Variants in STRADB observed in about 807,000 individuals in gnomAD.
The protein encoded by STRADB is STE20 related adaptor beta.
In STRADB, 34 loss-of-function variants were observed where a neutral mutation model predicts 52.1. That is an observed-to-expected ratio of 0.65 (90% CI 0.50 to 0.87). STRADB has a LOEUF of 0.87. Among genes scored for constraint, STRADB ranks in the 40% least tolerant of loss-of-function variants. The pLI, the probability that STRADB is intolerant of heterozygous loss-of-function variation, is 0.00. For missense variants in STRADB, 340 were observed against 483.9 expected, an observed-to-expected ratio of 0.70 and a Z score of 2.79; for synonymous variants, 133 against 174.5, an observed-to-expected ratio of 0.76 and a Z score of 1.87.
intron 3 of STRADB, among the ~76,000 whole-genome samples, chr2:201,467,070 G>A (rs1246209933): frequency 6.6e-6 from 1 of 152,148 alleles, no homozygotes; most frequent in Non-Finnish European, 1.5e-5. Flanking sequence ...CAAACCTAGA[G>A]TGGAGCCATA....
chr2:201,462,583 G>A (rs539933761), intron 3 of STRADB, among the ~76,000 whole-genome samples: 6 of 152,264 alleles, frequency 3.9e-5, no homozygotes, highest in African/African-American at 9.6e-5. Context: ...AGGTTACCAT[G>A]AGGCTTGCAA....
chr2:201,470,047 A>G lies in STRADB; in HGVS notation c.188A>G (p.Glu63Gly). Residue 63 changes from glutamate (E) to glycine (G), a missense_variant, in exon 4 of 12, where the codon GAA becomes GGA. By Grantham distance (98) the Glu-to-Gly change is moderately conservative (BLOSUM62 -2). Transcript: ENST00000194530. ...GTTTCTCACTATGAGCTCCAAGTAG[A>G]AATAGGTAATAATCCTGAATTTCTA... is the stretch of plus-strand genomic sequence containing the variant. The part of the protein sequence containing the change: ...TNVSHYELQV[E>G]IGRGFDNLTS... 1 of 1,608,490 alleles carries G rather than the reference A, an allele frequency of 6.2e-7. No homozygotes were observed.
chr2:201,477,024 C>A (rs1289282680), intron 7 of STRADB, among the ~76,000 whole-genome samples: 1 of 138,416 alleles, frequency 7.2e-6, no homozygotes, highest in African/African-American at 2.7e-5. Context: ...TTATTTGATT[C>A]CATTTCTTGT....
In STRADB at chr2:201,475,759, A is replaced by T; in HGVS notation, c.548+17A>T. ...TATTCACAGGTATTTACTTATTTGT[A>T]TTTATTAAATGAAATAATTTTAATG... On this transcript the variant is annotated intron_variant, in intron 7 of 11. Coordinates refer to ENST00000194530, the MANE Select transcript of STRADB (RefSeq NM_018571.6). 6.4e-7 allele frequency: 1 copy of T among 1,574,352 alleles called. No individual in the cohort carries two copies. Among genetic ancestry groups the T allele is most frequent in the Non-Finnish European group, 8.6e-7 (1 of 1,165,562 alleles).
At chr2:201,475,233 C>T (rs992741287) in intron 6 of STRADB, among the ~76,000 whole-genome samples, 3 of 151,984 alleles carry the variant, frequency 2.0e-5, no homozygotes, top group African/African-American at 4.8e-5. Flanking sequence ...CAGGTGCTCA[C>T]GTAGTACTTA....
At chr2:201,472,110 G>A (rs993908591) in intron 4 of STRADB, among the ~76,000 whole-genome samples, 3 of 152,224 alleles carry the variant, frequency 2.0e-5, no homozygotes, top group Non-Finnish European at 2.9e-5. Flanking sequence ...GATATCAAAT[G>A]CTGGTGAGTA....
In STRADB at chr2:201,451,910, G is replaced by A. The variant is rs1315637040; in HGVS notation, c.-124G>A. 1.3e-5 allele frequency: 2 copies of A among 152,630 alleles called. No individual in the cohort carries two copies. The highest frequency in any genetic ancestry group is 2.4e-5 in the African/African-American group (1 of 41,444). 9.5% of individuals were successfully genotyped at this position (152,630 alleles called of 1,614,324 possible). A position where few individuals can be genotyped will look rare whatever the true frequency, so the allele number is the denominator to read the frequency against. On this transcript the variant is annotated 5_prime_UTR_variant, in exon 1 of 12. Transcript: ENST00000194530. ...CTGTCCGCACCGCTGGCAGCCTGAAGAGAGTCGCTGGCCGTGGTCGCCGCT... is the reference window on the plus strand; with the variant it reads ...CTGTCCGCACCGCTGGCAGCCTGAAAAGAGTCGCTGGCCGTGGTCGCCGCT...
intron 3 of STRADB, among the ~76,000 whole-genome samples, chr2:201,463,331 C>CAAAAAA (rs574453771): frequency 8.8e-6 from 1 of 113,144 alleles, no homozygotes; most frequent in East Asian, 2.5e-4. Flanking sequence ...GAGACTGTCT[C>CAAAAAA]AAAAAAAAAA....
chr2:201,460,006 C>T (rs1332980236), intron 3 of STRADB, among the ~76,000 whole-genome samples: 3 of 151,942 alleles, frequency 2.0e-5, no homozygotes, highest in Non-Finnish European at 4.4e-5. Flanking sequence ...GGATCTTTTC[C>T]TCTCCTTATT....
chr2:201,461,457 C>G (rs1952215118), intron 3 of STRADB, among the ~76,000 whole-genome samples: 1 of 152,166 alleles, frequency 6.6e-6, no homozygotes, highest in Non-Finnish European at 1.5e-5. Context: ...ACAGTCTGAG[C>G]CAATGTGCCC....
intron 1 of STRADB, 73 bp from the exon 2 acceptor site, chr2:201,454,673 A>C (rs1439914012): frequency 2.0e-6 from 1 of 489,242 alleles, no homozygotes; most frequent in Non-Finnish European, 3.5e-6. Flanking sequence ...TAAATATTGG[A>C]TGGGTTTAAG....
chr2:201,478,051 T>A, intron 8 of STRADB, 36 bp from the exon 9 acceptor site: 1 of 1,540,942 alleles, frequency 6.5e-7, no homozygotes, highest in Non-Finnish European at 8.8e-7. Flanking sequence ...TTAACTTATT[T>A]GCACTAAAAG....
intron 5 of STRADB, among the ~76,000 whole-genome samples, chr2:201,473,677 A>G (rs750254723): frequency 6.6e-6 from 1 of 152,168 alleles, no homozygotes; most frequent in Non-Finnish European, 1.5e-5. Context: ...GAGTTTTACA[A>G]TACTCCTAGT....
rs11885866 is a variant in STRADB at position 201,472,932 on chromosome 2, A to G, written c.194-23A>G. ...TTTTTTTTCTTCTTTGGTTACTAACATGAGTTTTATGTCTGATTACAGGAA... is the reference window on the plus strand; with the variant it reads ...TTTTTTTTCTTCTTTGGTTACTAACGTGAGTTTTATGTCTGATTACAGGAA... On this transcript the variant is annotated intron_variant, in intron 4 of 11. Transcript: ENST00000194530. 146 of 1,568,486 alleles carry G rather than the reference A, an allele frequency of 9.3e-5. 1 individual carries two copies. The African/African-American group carries it at 1.8e-3, about 19-fold the overall frequency.
At chr2:201,462,075 A>G (rs1025352630) in intron 3 of STRADB, among the ~76,000 whole-genome samples, 2 of 152,190 alleles carry the variant, frequency 1.3e-5, no homozygotes, top group Non-Finnish European at 2.9e-5. Context: ...TGTTTTGGTT[A>G]TAATAGCTCT....
chr2:201,478,744 T>C (rs1952521912), intron 10 of STRADB, 143 bp downstream of exon 10: 1 of 1,035,120 alleles, frequency 9.7e-7, no homozygotes, highest in East Asian at 2.6e-5. Flanking sequence ...TAAGAACAAT[T>C]AGTGGGAACA....
intron 4 of STRADB, among the ~76,000 whole-genome samples, 192 bp downstream of exon 4, chr2:201,470,244 T>C (rs1952368577): frequency 6.6e-6 from 1 of 152,262 alleles, no homozygotes; most frequent in Admixed American, 6.5e-5. Context: ...TCAAGATTAC[T>C]GTCTAGAACG....
In STRADB at chr2:201,480,477, A is replaced by AT. The variant is rs1193072166; in HGVS notation, c.*309dup. On this transcript the variant is annotated 3_prime_UTR_variant, in exon 12 of 12. Coordinates refer to ENST00000194530, the MANE Select transcript of STRADB (RefSeq NM_018571.6). ...CTCAATATAATTTTTGAGCCAGTTA[A>AT]TTTTTTTCAGTATTTTGCTGTCCCT... 3 of 1,099,884 alleles carry AT rather than the reference A, an allele frequency of 2.7e-6. No homozygotes were observed. The African/African-American group carries it at 4.9e-5, about 18-fold the overall frequency. The allele number at this position is 1,099,884 out of a possible 1,614,324, so 68.1% of individuals were successfully genotyped here.
At chr2:201,459,003 A>G in intron 3 of STRADB, 139 bp downstream of exon 3, 1 of 643,646 alleles carries the variant, frequency 1.6e-6, no homozygotes, top group Non-Finnish European at 2.7e-6. Flanking sequence ...CTTTAAAAAA[A>G]ATGGTTGAGT....
Sources: allele counts gnomAD v4.1 joint callset (sites outside exome capture counted in the v4.1 genomes callset), GRCh38; gene constraint gnomAD v4.1.1; transcripts MANE v1.5; gene names NCBI Gene and HGNC (gene_info 2026-07-23, HGNC 2026-07-21).